FBXL13: variants seen among roughly 807,000 people sequenced by gnomAD.
FBXL13 encodes the protein F-box and leucine-rich repeat protein 13.
A neutral mutation model predicts 83.6 loss-of-function variants in FBXL13; 67 were observed. The observed-to-expected ratio is 0.80, with a 90% confidence interval of 0.66 to 0.98. The LOEUF is 0.98. Among genes scored for constraint, FBXL13 ranks in the 50% least tolerant of loss-of-function variants. The probability of loss-of-function intolerance (pLI) is 0.00; values close to 1 mark genes in which losing one functional copy is unlikely to be tolerated. For missense variants in FBXL13, 822 were observed against 866.5 expected (o/e 0.95, Z 0.64); for synonymous variants, 272 against 299.5 (o/e 0.91, Z 0.95).
chr7:102,963,075 T>C (rs2129479504), intron 8 of FBXL13, among the ~76,000 whole-genome samples: 1 of 150,290 alleles, frequency 6.7e-6, no homozygotes. Flanking sequence ...TCCCAGCACT[T>C]TGGGAGGCCG....
chr7:102,959,136 A>G (rs931091214), intron 8 of FBXL13, among the ~76,000 whole-genome samples: 4 of 152,158 alleles, frequency 2.6e-5, no homozygotes, highest in African/African-American at 9.7e-5. Context: ...GAATCAATTG[A>G]CAAGCTATTA....
intron 11 of FBXL13, among the ~76,000 whole-genome samples, chr7:102,898,247 A>G (rs1027055943): frequency 2.6e-5 from 4 of 152,214 alleles, no homozygotes; most frequent in Non-Finnish European, 4.4e-5. Flanking sequence ...CCATGTATAT[A>G]TAAATACACA....
chr7:103,016,501 C>T (rs1040307067), intron 6 of FBXL13, among the ~76,000 whole-genome samples: 4 of 151,912 alleles, frequency 2.6e-5, no homozygotes, highest in African/African-American at 7.3e-5. Flanking sequence ...TGCAGCCCAC[C>T]GAGCGAGAGC....
At chr7:102,887,618 C>G (rs1457810252) in intron 11 of FBXL13, among the ~76,000 whole-genome samples, 1 of 152,180 alleles carries the variant, frequency 6.6e-6, no homozygotes, top group Non-Finnish European at 1.5e-5. Context: ...ATTGTTTCCT[C>G]TTCAGGAAAC....
chr7:102,972,931 AAAT>A (rs200434094), intron 6 of FBXL13, among the ~76,000 whole-genome samples: 1 of 151,160 alleles, frequency 6.6e-6, no homozygotes, highest in Non-Finnish European at 1.5e-5. Flanking sequence ...TTTAATTGAC[AAAT>A]AATAATTAAA....
At chr7:102,844,499 T>C (rs1416560987) in intron 17 of FBXL13, among the ~76,000 whole-genome samples, 1 of 152,116 alleles carries the variant, frequency 6.6e-6, no homozygotes, top group Non-Finnish European at 1.5e-5. Flanking sequence ...GGAGAGAGAA[T>C]GCCTAAAAGA....
chr7:102,911,421 G>T (rs77104831), intron 11 of FBXL13, among the ~76,000 whole-genome samples: 2,556 of 152,254 alleles, frequency 0.017, 44 homozygotes, highest in Non-Finnish European at 0.023. Flanking sequence ...TAAGGGGCAG[G>T]CTTATCAGTG....
intron 6 of FBXL13, among the ~76,000 whole-genome samples, chr7:103,022,066 A>G (rs1341521959): frequency 6.6e-6 from 1 of 152,206 alleles, no homozygotes; most frequent in Non-Finnish European, 1.5e-5. Flanking sequence ...AATAGCAAAG[A>G]CTTGGAACCA....
At chr7:102,998,469 T>G (rs894692683) in intron 6 of FBXL13, among the ~76,000 whole-genome samples, 3 of 152,228 alleles carry the variant, frequency 2.0e-5, no homozygotes, top group African/African-American at 7.2e-5. Flanking sequence ...CTTTCACTTC[T>G]TTGGTTAAAT....
intron 6 of FBXL13, among the ~76,000 whole-genome samples, chr7:103,007,885 A>C (rs1791150363): frequency 6.6e-6 from 1 of 152,178 alleles, no homozygotes; most frequent in Non-Finnish European, 1.5e-5. Flanking sequence ...TCAGTGGGCC[A>C]TCCTGGCACA....
chr7:102,887,434 C>T (rs1456159414), intron 11 of FBXL13, among the ~76,000 whole-genome samples: 1 of 152,078 alleles, frequency 6.6e-6, no homozygotes, highest in Non-Finnish European at 1.5e-5. Context: ...CACACACACA[C>T]ACACAAACAT....
At chr7:102,888,196 T>A (rs535761210) in intron 11 of FBXL13, among the ~76,000 whole-genome samples, 1 of 152,180 alleles carries the variant, frequency 6.6e-6, no homozygotes, top group East Asian at 1.9e-4. Context: ...AATTTAGGAG[T>A]AAGATAAAGT....
chr7:103,055,867 C>T, intron 1 of FBXL13, 120 bp from the exon 2 acceptor site: 1 of 436,666 alleles, frequency 2.3e-6, no homozygotes, highest in South Asian at 1.8e-5. Flanking sequence ...TTATTTATTT[C>T]CATAGGTTTT....
chr7:102,897,734 T>G (rs1214052966), intron 11 of FBXL13, among the ~76,000 whole-genome samples: 2 of 152,244 alleles, frequency 1.3e-5, no homozygotes, highest in Non-Finnish European at 2.9e-5. Context: ...ACTTCTTAAC[T>G]TCTTTTAGTG....
chr7:102,964,915 A>G (rs1585162101), intron 7 of FBXL13, among the ~76,000 whole-genome samples: 1 of 152,326 alleles, frequency 6.6e-6, no homozygotes, highest in East Asian at 1.9e-4. Flanking sequence ...ACAACAGACC[A>G]CTGGACAAAA....
intron 17 of FBXL13, among the ~76,000 whole-genome samples, chr7:102,838,151 C>T (rs1303919981): frequency 6.6e-6 from 1 of 152,176 alleles, no homozygotes; most frequent in Non-Finnish European, 1.5e-5. Flanking sequence ...GGCCCACTGG[C>T]TTGAGTTCAA....
intron 16 of FBXL13, among the ~76,000 whole-genome samples, chr7:102,867,262 G>A (rs1332218555): frequency 2.0e-5 from 3 of 152,132 alleles, no homozygotes; most frequent in African/African-American, 7.2e-5. Flanking sequence ...GGAGGCTGAG[G>A]CAGGAGGATC....
At chr7:103,011,104 G>C (rs1791567224) in intron 6 of FBXL13, among the ~76,000 whole-genome samples, 1 of 152,128 alleles carries the variant, frequency 6.6e-6, no homozygotes, top group Non-Finnish European at 1.5e-5. Flanking sequence ...GAAAGAACCA[G>C]TGCAAGAACT....
At chr7:103,065,214 T>A (rs1798280490) in intron 1 of FBXL13, among the ~76,000 whole-genome samples, 2 of 152,250 alleles carry the variant, frequency 1.3e-5, no homozygotes, top group Admixed American at 1.3e-4. Flanking sequence ...TTTAGATTTT[T>A]AAATTTCAAA....
Sources: allele counts gnomAD v4.1 joint callset (sites outside exome capture counted in the v4.1 genomes callset), GRCh38; gene constraint gnomAD v4.1.1; transcripts MANE v1.5; gene names NCBI Gene and HGNC (gene_info 2026-07-23, HGNC 2026-07-21).